CFAP251: variants seen among roughly 807,000 people sequenced by gnomAD.
CFAP251 encodes the protein cilia and flagella associated protein 251.
A neutral mutation model predicts 126.7 loss-of-function variants in CFAP251; 93 were observed. The ratio of observed to expected loss-of-function variants is 0.73; its 90% confidence interval spans 0.62 to 0.87. The LOEUF is 0.87. CFAP251 is among the 40% of genes least tolerant of loss of function. The probability of loss-of-function intolerance (pLI) is 0.00; values close to 1 mark genes in which losing one functional copy is unlikely to be tolerated. For missense variants in CFAP251, 1,287 were observed against 1,389.2 expected, an observed-to-expected ratio of 0.93 and a Z score of 1.17; for synonymous variants, 503 against 506.9, an observed-to-expected ratio of 0.99 and a Z score of 0.10.
chr12:121,945,322 G>A (rs1457485483), intron 7 of CFAP251, among the ~76,000 whole-genome samples: 3 of 137,704 alleles, frequency 2.2e-5, no homozygotes, highest in African/African-American at 7.4e-5. Context: ...TGTTGTTGTT[G>A]TTTTGTTTTC....
rs147605754 is a variant in CFAP251 at position 121,960,493 on chromosome 12, C to T, written c.2134-92C>T. On this transcript the variant is annotated intron_variant, in intron 13 of 21. Transcript: ENST00000288912. ...TCGGCCTCCCAAAGTGCTGGGATTA[C>T]AGGCGTGAGCCACCGCGCCTGGCCC... 958 of 1,423,390 alleles carry T rather than the reference C, an allele frequency of 6.7e-4. 6 individuals carry two copies. The African/African-American group carries it at 0.011, about 17-fold the overall frequency. 88.2% of individuals were successfully genotyped at this position (1,423,390 alleles called of 1,614,324 possible).
rs750299699 is a variant in CFAP251 at position 121,954,323 on chromosome 12, C to T, written c.1524C>T (p.Thr508=). 2 of 1,608,352 alleles carry T rather than the reference C, an allele frequency of 1.2e-6. No individual in the cohort carries two copies. The highest frequency in any genetic ancestry group is 2.2e-5 in the South Asian group (2 of 89,596). ...HLQKEGITVL[T]TIDSYIVTGD... ...AGAAAGAGGGTATCACGGTACTTAC[C>T]ACAATTGATAGGTAATTTTAACTTA... The change falls in exon 10 of 22, where the codon ACC becomes ACT. Residue 508 remains threonine, a synonymous_variant. Transcript: ENST00000288912.
At position 122,003,766 on chromosome 12, in the gene CFAP251, G is replaced by A. The variant is rs776068945; in HGVS notation, c.*2G>A. 2 of 1,601,344 alleles carry A rather than the reference G, an allele frequency of 1.2e-6. No individual in the cohort carries two copies. Among genetic ancestry groups the A allele is most frequent in the African/African-American group, 1.4e-5 (1 of 73,982 alleles). ...GATTCCGGCCAGGATGGTCAGTGAA[G>A]TTACCAGGAATGTTTAAAGCACAAA... On this transcript the variant is annotated 3_prime_UTR_variant, in exon 22 of 22. Transcript: ENST00000288912.
intron 19 of CFAP251, among the ~76,000 whole-genome samples, chr12:121,982,283 T>C (rs1882640316): frequency 6.6e-6 from 1 of 151,458 alleles, no homozygotes; most frequent in Non-Finnish European, 1.5e-5. Context: ...CACAGCTCAC[T>C]GCAGCCTCGA....
intron 8 of CFAP251, chr12:121,950,543 A>G (rs968224444): frequency 6.6e-6 from 1 of 152,122 alleles, no homozygotes; most frequent in Non-Finnish European, 1.5e-5. Context: ...ATTATTTAAG[A>G]TATTTATTAT....
intron 7 of CFAP251, among the ~76,000 whole-genome samples, chr12:121,944,661 C>A (rs1347670128): frequency 6.6e-6 from 1 of 152,054 alleles, no homozygotes; most frequent in Non-Finnish European, 1.5e-5. Context: ...GATTTGTTTT[C>A]TTAATTTCTG....
At position 121,921,358 on chromosome 12, in the gene CFAP251, C is replaced by T. The variant is rs749171436; in HGVS notation, c.53C>T (p.Thr18Ile). The T allele has an allele frequency of 6.3e-7, 1 of 1,599,790 alleles. No homozygotes were observed. Among genetic ancestry groups the T allele is most frequent in the Non-Finnish European group, 8.5e-7 (1 of 1,174,870 alleles). The change falls in exon 2 of 22, where the codon ACA becomes ATA. Residue 18 changes from threonine (T) to isoleucine (I), a missense_variant. Transcript: ENST00000288912. ...PREATGENGETEMKEEEEPNP... is the reference protein window; with the variant it reads ...PREATGENGEIEMKEEEEPNP... ...GAAGCAACAGGAGAAAATGGAGAAACAGAAATGAAAGAAGAGGAGGAACCT... is the reference window on the plus strand; with the variant it reads ...GAAGCAACAGGAGAAAATGGAGAAATAGAAATGAAAGAAGAGGAGGAACCT...
At chr12:121,986,083 C>A (rs569180825) in intron 19 of CFAP251, among the ~76,000 whole-genome samples, 1 of 152,202 alleles carries the variant, frequency 6.6e-6, no homozygotes, top group East Asian at 1.9e-4. Context: ...CCTCCACCTC[C>A]TGGATTCAAG....
intron 19 of CFAP251, among the ~76,000 whole-genome samples, chr12:121,993,691 C>T (rs1193688984): frequency 8.2e-5 from 12 of 145,778 alleles, no homozygotes; most frequent in Admixed American, 4.0e-4. Flanking sequence ...CGTCTCTGCC[C>T]GGCCGCCCCG....
chr12:121,944,872 T>C (rs1881257346), intron 7 of CFAP251, among the ~76,000 whole-genome samples: 1 of 152,170 alleles, frequency 6.6e-6, no homozygotes, highest in African/African-American at 2.4e-5. Context: ...AGCCTCTGCC[T>C]CCTGAGCTCA....
At position 121,962,076 on chromosome 12, in the gene CFAP251, C is replaced by G. The variant is rs753871970; in HGVS notation, c.2406C>G (p.Tyr802Ter). Residue 802 changes from tyrosine (Y) to a stop codon, truncating the protein, a stop_gained, in exon 15 of 22, where the codon TAC becomes TAG. Transcript: ENST00000288912. LOFTEE classifies it high-confidence loss of function. The stretch of plus-strand genomic sequence containing the variant: ...GCTATCCCACCTGCATGGTCTGGTA[C>G]CCACCACTCACCAGGGAACTCTTCC... ...QGCYPTCMVW[Y>*]PPLTRELFLL... 9.9e-6 allele frequency: 16 copies of G among 1,613,904 alleles called. No individual in the cohort carries two copies. The highest frequency in any genetic ancestry group is 5.1e-6 in the Non-Finnish European group (6 of 1,180,028).
Position 121,968,057 on chromosome 12 carries a change from ATTG to A in CFAP251, c.2662_2664del (p.Val888del). 1 of 1,613,348 alleles carries A rather than the reference ATTG, an allele frequency of 6.2e-7. No homozygotes were observed. Among genetic ancestry groups the A allele is most frequent in the Non-Finnish European group, 8.5e-7 (1 of 1,179,494 alleles). On this transcript the variant is annotated inframe_deletion, in exon 17 of 22. Coordinates refer to ENST00000288912, the MANE Select transcript of CFAP251 (RefSeq NM_144668.6). ...CGGCAATCCACATAAGACATCTGCT[ATTG>A]TTTGCCACCCGAACGGGGTGGCCGG...
intron 19 of CFAP251, among the ~76,000 whole-genome samples, chr12:121,988,021 C>T (rs1279041712): frequency 6.6e-6 from 1 of 151,874 alleles, no homozygotes; most frequent in Admixed American, 6.6e-5. Flanking sequence ...TTTTTCATAA[C>T]AAGCATGTTT....
chr12:121,943,092 C>A, intron 7 of CFAP251, 117 bp downstream of exon 7: 1 of 1,049,594 alleles, frequency 9.5e-7, no homozygotes, highest in South Asian at 1.4e-5. Context: ...GGTAGGTTAT[C>A]ACTTGAGGTC....
chr12:121,975,872 T>C (rs1484591587), intron 19 of CFAP251, among the ~76,000 whole-genome samples, 187 bp downstream of exon 19: 1 of 152,176 alleles, frequency 6.6e-6, no homozygotes, highest in Non-Finnish European at 1.5e-5. Flanking sequence ...ATGCTGTTTC[T>C]GAAAGGCGCA....
In CFAP251 at chr12:121,975,672, C is replaced by CG. The variant is rs1882439799; in HGVS notation, c.2993_2994insG (p.Ser999IlefsTer2). Reference sequence around the variant, plus strand: ...GTCATGAGAGCAATTGGCTTTTACCCATCTGAAGAGAAGGTAGGGAGAACG... The same window carrying CG: ...GTCATGAGAGCAATTGGCTTTTACCCGATCTGAAGAGAAGGTAGGGAGAACG... On this transcript the variant is annotated frameshift_variant, in exon 19 of 22. Coordinates refer to ENST00000288912, the MANE Select transcript of CFAP251 (RefSeq NM_144668.6). LOFTEE classifies it high-confidence loss of function. The CG allele has an allele frequency of 6.3e-7, 1 of 1,578,224 alleles. No homozygotes were observed. The highest frequency in any genetic ancestry group is 1.4e-5 in the African/African-American group (1 of 72,702).
intron 11 of CFAP251, among the ~76,000 whole-genome samples, chr12:121,958,006 A>C (rs1328389213): frequency 6.6e-6 from 1 of 152,240 alleles, no homozygotes; most frequent in African/African-American, 2.4e-5. Context: ...TACACAAATG[A>C]ATATTTGCAT....
Position 121,954,244 on chromosome 12 carries a change from C to T in CFAP251, c.1445C>T (p.Ala482Val), listed in dbSNP as rs757151443. 6.2e-7 allele frequency: 1 copy of T among 1,614,052 alleles called. No individual in the cohort carries two copies. Among genetic ancestry groups the T allele is most frequent in the Non-Finnish European group, 8.5e-7 (1 of 1,180,044 alleles). The part of the protein sequence containing the change: ...VWDIHRPPSS[A>V]STFLGFPYIK... ...GACATACACCGCCCACCCTCATCTGCCTCCACCTTTTTGGGCTTTCCCTAT... is the reference window on the plus strand; with the variant it reads ...GACATACACCGCCCACCCTCATCTGTCTCCACCTTTTTGGGCTTTCCCTAT... The change falls in exon 10 of 22, where the codon GCC (alanine) becomes GTC (valine). Residue 482 changes from alanine to valine, a missense_variant. Transcript: ENST00000288912.
At chr12:121,969,054 G>A (rs1256430637) in intron 17 of CFAP251, 33 of 985,152 alleles carry the variant, frequency 3.3e-5, no homozygotes, top group Non-Finnish European at 2.7e-5. Flanking sequence ...CCTGTGGCTC[G>A]GCTGGGCCTC....
Sources: gnomAD v4.1 joint callset for allele counts (sites outside exome capture counted in the v4.1 genomes callset) on GRCh38, gnomAD v4.1.1 for gene constraint, MANE v1.5 for transcripts, NCBI Gene and HGNC (gene_info 2026-07-23, HGNC 2026-07-21) for gene names.